PDE4D: variants seen among roughly 807,000 people sequenced by gnomAD.
PDE4D encodes phosphodiesterase 4D.
PDE4D carries 24 observed loss-of-function variants against 87.4 expected under a neutral mutation model. That is an observed-to-expected ratio of 0.27 (90% CI 0.20 to 0.39). The LOEUF is 0.39. Ranked by LOEUF, PDE4D falls within the 10% of genes least tolerant of loss-of-function variation. PDE4D has a pLI of 1.00. For missense variants in PDE4D, 714 were observed against 1,041.0 expected, an observed-to-expected ratio of 0.69 and a Z score of 4.32; for synonymous variants, 384 against 383.2, an observed-to-expected ratio of 1.00 and a Z score of -0.02.
chr5:60,240,703 A>G (rs948615591), intron 1 of PDE4D, among the ~76,000 whole-genome samples: 2 of 152,060 alleles, frequency 1.3e-5, no homozygotes, highest in Non-Finnish European at 2.9e-5. Context: ...TGTGTTTGGG[A>G]GAAAGTAACG....
chr5:60,157,581 A>T (rs1253126568), intron 2 of PDE4D, among the ~76,000 whole-genome samples: 1 of 152,200 alleles, frequency 6.6e-6, no homozygotes, highest in South Asian at 2.1e-4. Context: ...ATTTGTAAAT[A>T]TTCTGTTCAT....
At chr5:59,229,074 G>A (rs926942550) in intron 1 of PDE4D, among the ~76,000 whole-genome samples, 6 of 151,138 alleles carry the variant, frequency 4.0e-5, no homozygotes, top group Admixed American at 1.3e-4. Flanking sequence ...AGCTTCTGAT[G>A]AACTTTGTTT....
intron 6 of PDE4D, among the ~76,000 whole-genome samples, chr5:59,033,138 CTAAGAG>C (rs1454302541): frequency 6.6e-6 from 1 of 152,140 alleles, no homozygotes; most frequent in Non-Finnish European, 1.5e-5. Context: ...AAACTATTCT[CTAAGAG>C]TAAAAGATAA....
intron 2 of PDE4D, chr5:60,160,762 C>T (rs1298521265): frequency 2.2e-6 from 1 of 446,154 alleles, no homozygotes; most frequent in Non-Finnish European, 4.5e-6. Flanking sequence ...AATACTTCTT[C>T]TCTCACCTTT....
intron 3 of PDE4D, among the ~76,000 whole-genome samples, chr5:59,947,908 G>T (rs1288349158): frequency 6.6e-6 from 1 of 152,180 alleles, no homozygotes; most frequent in African/African-American, 2.4e-5. Context: ...TCAGGAGGCT[G>T]AGGCAGGAGA....
intron 1 of PDE4D, among the ~76,000 whole-genome samples, chr5:59,358,877 A>G (rs567977712): frequency 4.0e-4 from 61 of 152,294 alleles, no homozygotes; most frequent in African/African-American, 1.4e-3. Context: ...AAACAGCATC[A>G]CTGATTTCTA....
chr5:59,887,778 G>A (rs561657816), intron 1 of PDE4D, among the ~76,000 whole-genome samples: 1 of 152,052 alleles, frequency 6.6e-6, no homozygotes, highest in Non-Finnish European at 1.5e-5. Flanking sequence ...CAAATTGAAA[G>A]TGAAAGAATG....
At chr5:59,592,995 TAAG>T (rs942477487) in intron 1 of PDE4D, among the ~76,000 whole-genome samples, 16 of 151,856 alleles carry the variant, frequency 1.1e-4, no homozygotes, top group Non-Finnish European at 1.8e-4. Context: ...AATTTTTTAA[TAAG>T]AAGAGCTCTT....
At chr5:59,827,882 A>T (rs938327356) in intron 1 of PDE4D, among the ~76,000 whole-genome samples, 13 of 152,140 alleles carry the variant, frequency 8.5e-5, no homozygotes, top group Non-Finnish European at 1.3e-4. Context: ...TTAAAATAAA[A>T]AATTGGCTCT....
chr5:59,585,836 G>A (rs1273896366), intron 1 of PDE4D, among the ~76,000 whole-genome samples: 1 of 152,118 alleles, frequency 6.6e-6, no homozygotes, highest in Non-Finnish European at 1.5e-5. Context: ...TTCTTGAATA[G>A]CTAAAATATC....
At chr5:59,002,853 C>T (rs1750818004) in intron 6 of PDE4D, among the ~76,000 whole-genome samples, 1 of 152,004 alleles carries the variant, frequency 6.6e-6, no homozygotes, top group Non-Finnish European at 1.5e-5. Context: ...CAATAAATAA[C>T]CAGAACAGAT....
intron 3 of PDE4D, among the ~76,000 whole-genome samples, chr5:59,904,507 T>G (rs931876680): frequency 7.9e-5 from 12 of 152,188 alleles, no homozygotes; most frequent in Non-Finnish European, 1.5e-5. Context: ...AAATGCAATT[T>G]CTAATGTAGC....
chr5:59,957,379 T>C, intron 3 of PDE4D, among the ~76,000 whole-genome samples: 1 of 152,112 alleles, frequency 6.6e-6, no homozygotes, highest in Admixed American at 6.5e-5. Context: ...TGCACTTTTT[T>C]TTTTTGCTAT....
Position 59,044,821 on chromosome 5 carries a change from G to T in PDE4D, c.809-5850C>A, listed in dbSNP as rs565003933. On this transcript the variant is annotated intron_variant, in intron 5 of 14. Transcript: ENST00000340635. ...CCAAAGGAAAGATGTGTGCAATTTT[G>T]TGACGGTTTTCTTTTTCTTTTATCT... 5.6e-4 allele frequency among the ~76,000 whole-genome samples: 86 copies of T among 152,300 alleles called. 1 individual carries two copies. The South Asian group carries it at 0.01, about 18-fold the overall frequency.
At chr5:60,108,872 A>G (rs1200450360) in intron 2 of PDE4D, among the ~76,000 whole-genome samples, 3 of 152,088 alleles carry the variant, frequency 2.0e-5, no homozygotes, top group African/African-American at 7.2e-5. Context: ...AGATGGATTA[A>G]AGACTTAAAT....
chr5:59,269,839 A>G (rs1763491347), intron 1 of PDE4D, among the ~76,000 whole-genome samples: 1 of 152,106 alleles, frequency 6.6e-6, no homozygotes, highest in Non-Finnish European at 1.5e-5. Context: ...ATATTCATTT[A>G]TATTAACTTC....
At chr5:59,425,943 G>A (rs553811428) in intron 1 of PDE4D, among the ~76,000 whole-genome samples, 1 of 152,276 alleles carries the variant, frequency 6.6e-6, no homozygotes, top group Non-Finnish European at 1.5e-5. Context: ...CAGTATCTCA[G>A]AATGAGACTA....
At chr5:59,690,820 T>C (rs1293870799) in intron 1 of PDE4D, among the ~76,000 whole-genome samples, 1 of 152,174 alleles carries the variant, frequency 6.6e-6, no homozygotes, top group South Asian at 2.1e-4. Flanking sequence ...AATCTACCCA[T>C]CTGAGAAAGA....
At chr5:58,993,915 T>G (rs1157489562) in intron 6 of PDE4D, among the ~76,000 whole-genome samples, 1 of 152,112 alleles carries the variant, frequency 6.6e-6, no homozygotes, top group Admixed American at 6.6e-5. Context: ...TTATAGCACA[T>G]AAAAGTGTTG....
Sources: gnomAD v4.1 joint callset for allele counts (sites outside exome capture counted in the v4.1 genomes callset) on GRCh38, gnomAD v4.1.1 for gene constraint, MANE v1.5 for transcripts, NCBI Gene and HGNC (gene_info 2026-07-23, HGNC 2026-07-21) for gene names.